The following PACRG variants were observed in gnomAD, a reference collection of about 807,000 sequenced individuals.
PACRG encodes the protein parkin coregulated gene protein.
In PACRG, 29 loss-of-function variants were observed where a neutral mutation model predicts 29.7. The observed-to-expected ratio is 0.98, with a 90% CI of 0.73 to 1.33. PACRG has a LOEUF of 1.33. Ranked by LOEUF, PACRG falls within the 40% of genes most tolerant of loss-of-function variation. The pLI is 0.00. For missense variants in PACRG, 279 were observed against 316.2 expected, an observed-to-expected ratio of 0.88 and a Z score of 0.89; for synonymous variants, 116 against 118.7, an observed-to-expected ratio of 0.98 and a Z score of 0.15.
At chr6:163,291,860 T>A (rs1334720470) in intron 4 of PACRG, among the ~76,000 whole-genome samples, 1 of 151,748 alleles carries the variant, frequency 6.6e-6, no homozygotes, top group Non-Finnish European at 1.5e-5. Context: ...TGTCTGGGGG[T>A]AACAATCGTG....
chr6:163,108,392 C>CTTTTTTTTTTTTTTTTTTTTTTTT (rs528887997), intron 4 of PACRG, among the ~76,000 whole-genome samples: 1 of 90,510 alleles, frequency 1.1e-5, no homozygotes, highest in Non-Finnish European at 2.0e-5. Context: ...TTCTCTTTCC[C>CTTTTTTTTTTTTTTTTTTTTTTTT]TTTTTTTTTT....
chr6:162,788,498 T>C (rs144452306), intron 1 of PACRG, among the ~76,000 whole-genome samples: 29 of 152,364 alleles, frequency 1.9e-4, no homozygotes, highest in African/African-American at 6.7e-4. Flanking sequence ...CATGTGGACA[T>C]AAGTTTTTAA....
At chr6:163,178,491 T>A (rs1370631344) in intron 4 of PACRG, among the ~76,000 whole-genome samples, 3 of 152,172 alleles carry the variant, frequency 2.0e-5, no homozygotes, top group Admixed American at 1.3e-4. Flanking sequence ...CACAGACACA[T>A]GCAGGAAACT....
intron 2 of PACRG, among the ~76,000 whole-genome samples, chr6:163,041,653 T>C (rs1808737563): frequency 6.6e-6 from 1 of 152,212 alleles, no homozygotes; most frequent in African/African-American, 2.4e-5. Context: ...TTTATAGCAG[T>C]GTAAGAATGG....
At chr6:163,188,635 C>T (rs1780064249) in intron 4 of PACRG, among the ~76,000 whole-genome samples, 1 of 152,200 alleles carries the variant, frequency 6.6e-6, no homozygotes, top group South Asian at 2.1e-4. Context: ...AGTTCTAAAG[C>T]GTGGCCTGAC....
intron 2 of PACRG, among the ~76,000 whole-genome samples, chr6:163,011,122 C>T (rs1805573898): frequency 7.4e-6 from 1 of 135,390 alleles, no homozygotes; most frequent in African/African-American, 2.7e-5. Context: ...AGAAAAGGGG[C>T]TGGGAGGGTG....
intron 4 of PACRG, among the ~76,000 whole-genome samples, chr6:163,153,350 G>A (rs78178661): frequency 0.038 from 5,856 of 152,266 alleles, 221 homozygotes; most frequent in East Asian, 0.11. Flanking sequence ...CATTTTCAGT[G>A]CTTCTGTTTC....
intron 4 of PACRG, among the ~76,000 whole-genome samples, chr6:163,172,275 C>G (rs1779124142): frequency 6.6e-6 from 1 of 152,218 alleles, no homozygotes; most frequent in South Asian, 2.1e-4. Context: ...TTTCCACCCC[C>G]TCAACCTAAA....
chr6:162,846,340 G>A (rs957401622), intron 2 of PACRG, among the ~76,000 whole-genome samples: 2 of 152,156 alleles, frequency 1.3e-5, no homozygotes, highest in African/African-American at 4.8e-5. Flanking sequence ...TCAGAGATAC[G>A]GGAAGTGCAT....
At chr6:163,108,293 C>T (rs1815498428) in intron 4 of PACRG, among the ~76,000 whole-genome samples, 1 of 152,032 alleles carries the variant, frequency 6.6e-6, no homozygotes, top group Non-Finnish European at 1.5e-5. Context: ...TGTCTGCTTG[C>T]CCTTCGCCTT....
At chr6:162,939,012 T>A (rs1798432422) in intron 2 of PACRG, among the ~76,000 whole-genome samples, 1 of 152,100 alleles carries the variant, frequency 6.6e-6, no homozygotes, top group Non-Finnish European at 1.5e-5. Flanking sequence ...TTTAATTAAG[T>A]ACCAGTTAGG....
intron 2 of PACRG, among the ~76,000 whole-genome samples, chr6:162,958,870 TATATATATATATATAGAGAG>T (rs1209089501): frequency 2.7e-4 from 19 of 69,466 alleles, no homozygotes; most frequent in East Asian, 9.4e-4. Context: ...TATATATATA[TATATATATATATATAGAGAG>T]AGAGAGAGAG....
intron 2 of PACRG, among the ~76,000 whole-genome samples, chr6:162,989,566 T>C (rs1362103315): frequency 2.0e-5 from 3 of 152,170 alleles, no homozygotes; most frequent in African/African-American, 7.2e-5. Context: ...AAATATTTGT[T>C]ACATTGTGTT....
At chr6:162,970,152 G>A (rs9355414) in intron 2 of PACRG, among the ~76,000 whole-genome samples, 86,214 of 151,956 alleles carry the variant, frequency 0.57, 24,728 homozygotes, top group Middle Eastern at 0.71. Context: ...AATGGGCCTC[G>A]GTTTCTTCAC....
chr6:163,122,878 C>T (rs186977719), intron 4 of PACRG, among the ~76,000 whole-genome samples: 22 of 152,172 alleles, frequency 1.4e-4, no homozygotes, highest in Non-Finnish European at 3.1e-4. Context: ...CCAGAAGTTT[C>T]CTTTTGCGTG....
intron 2 of PACRG, among the ~76,000 whole-genome samples, chr6:162,843,880 G>T (rs1430670074): frequency 3.3e-5 from 2 of 60,860 alleles, no homozygotes; most frequent in African/African-American, 1.4e-4. Flanking sequence ...GTGTGCCCCT[G>T]CTGGGGGGTG....
At chr6:163,208,849 A>G (rs1054257919) in intron 4 of PACRG, among the ~76,000 whole-genome samples, 2 of 152,268 alleles carry the variant, frequency 1.3e-5, no homozygotes, top group African/African-American at 2.4e-5. Flanking sequence ...CCGGTCTACA[A>G]AAATATTTGT....
At chr6:162,863,690 C>T (rs1226601070) in intron 2 of PACRG, among the ~76,000 whole-genome samples, 2 of 152,100 alleles carry the variant, frequency 1.3e-5, no homozygotes, top group South Asian at 2.1e-4. Context: ...TCATTAAATC[C>T]TTAAAACTTC....
chr6:163,149,251 C>T (rs576032115), intron 4 of PACRG, among the ~76,000 whole-genome samples: 3 of 152,246 alleles, frequency 2.0e-5, no homozygotes, highest in South Asian at 4.1e-4. Context: ...GGACGCCTCC[C>T]GCGGGCGCTG....
Sources: allele counts gnomAD v4.1 joint callset (sites outside exome capture counted in the v4.1 genomes callset), GRCh38; gene constraint gnomAD v4.1.1; transcripts MANE v1.5; gene names NCBI Gene and HGNC (gene_info 2026-07-23, HGNC 2026-07-21).